Variants in CALN1 observed in about 807,000 individuals in gnomAD.
The protein encoded by CALN1 is calcium-binding protein 8.
In CALN1, 17 loss-of-function variants were observed where a neutral mutation model predicts 30.6. That is an observed-to-expected ratio of 0.56 (90% CI 0.38 to 0.83). CALN1 has a LOEUF of 0.83. CALN1 is among the 40% of genes least tolerant of loss of function. The pLI is 0.00. For missense variants in CALN1, 291 were observed against 354.9 expected (o/e 0.82, Z 1.45); for synonymous variants, 156 against 131.4 (o/e 1.19, Z -1.28).
intron 5 of CALN1, 149 bp from the exon 6 acceptor site, chr7:71,810,641 C>A: frequency 1.5e-6 from 1 of 668,542 alleles, no homozygotes; most frequent in South Asian, 2.1e-5. Flanking sequence ...TCCTGTTCAG[C>A]TCCAAGTATA....
intron 4 of CALN1, among the ~76,000 whole-genome samples, chr7:72,102,736 G>A (rs1806767559): frequency 6.6e-6 from 1 of 152,174 alleles, no homozygotes; most frequent in South Asian, 2.1e-4. Flanking sequence ...AAGTGCTTGT[G>A]TAGGGCTTGG....
chr7:72,378,733 T>TG (rs1280061739), intron 2 of CALN1, among the ~76,000 whole-genome samples: 2 of 152,018 alleles, frequency 1.3e-5, no homozygotes, highest in East Asian at 3.9e-4. Context: ...ATATAACATC[T>TG]TTTTCTGTAT....
At chr7:71,942,953 G>C (rs1796212746) in intron 5 of CALN1, among the ~76,000 whole-genome samples, 1 of 152,132 alleles carries the variant, frequency 6.6e-6, no homozygotes, top group South Asian at 2.1e-4. Context: ...TCACTTGTCT[G>C]TGACCTGGAA....
chr7:72,264,388 A>G (rs1317389510), intron 3 of CALN1, among the ~76,000 whole-genome samples: 1 of 152,204 alleles, frequency 6.6e-6, no homozygotes, highest in Admixed American at 6.5e-5. Context: ...AGATCTTTGA[A>G]CAAAATATAT....
At chr7:72,358,004 G>C (rs959962465) in intron 2 of CALN1, among the ~76,000 whole-genome samples, 3 of 151,080 alleles carry the variant, frequency 2.0e-5, no homozygotes, top group African/African-American at 7.3e-5. Context: ...ATGGGGTTTT[G>C]TATTTAAGAG....
At chr7:72,336,745 C>G (rs1207597384) in intron 2 of CALN1, 2 of 985,250 alleles carry the variant, frequency 2.0e-6, no homozygotes, top group Non-Finnish European at 2.4e-6. Context: ...AGCCGAGGCG[C>G]CTCCGCACAG....
At chr7:72,248,887 G>A (rs1305274534) in intron 3 of CALN1, among the ~76,000 whole-genome samples, 2 of 151,958 alleles carry the variant, frequency 1.3e-5, no homozygotes, top group African/African-American at 2.4e-5. Context: ...AATCGATCAT[G>A]TTTTGTTGCT....
chr7:72,342,813 T>C (rs1209791413), intron 2 of CALN1, among the ~76,000 whole-genome samples: 1 of 151,988 alleles, frequency 6.6e-6, no homozygotes, highest in Non-Finnish European at 1.5e-5. Flanking sequence ...TAGAGGGTGA[T>C]GAAAAGATTC....
chr7:72,081,564 A>C (rs1317385323), intron 4 of CALN1, among the ~76,000 whole-genome samples: 1 of 152,080 alleles, frequency 6.6e-6, no homozygotes, highest in Non-Finnish European at 1.5e-5. Context: ...CTGGGACTAC[A>C]GGTGTGCACC....
chr7:72,468,585 A>G, the CALN1 span, among the ~76,000 whole-genome samples: 1 of 152,220 alleles, frequency 6.6e-6, no homozygotes, highest in Admixed American at 6.5e-5. Flanking sequence ...AAGTGCTGGT[A>G]TTAAAGGCAT....
chr7:71,948,135 C>G (rs1369042453), intron 5 of CALN1, among the ~76,000 whole-genome samples: 3 of 152,006 alleles, frequency 2.0e-5, no homozygotes, highest in African/African-American at 7.2e-5. Flanking sequence ...GCCAGCACCC[C>G]TGAGGAAGAT....
In CALN1 at chr7:72,216,179, C is replaced by T. The variant is rs182890385; in HGVS notation, c.244+62507G>A. The stretch of plus-strand genomic sequence containing the variant: ...TCTATAATCTTAATGCATTAGGAGG[C>T]TGATGGGGGAGGACTGCTTGAGGCC... On this transcript the variant is annotated intron_variant, in intron 3 of 6. Transcript: ENST00000395275. Among the ~76,000 whole-genome samples, 364 of 152,092 alleles carry T rather than the reference C, an allele frequency of 2.4e-3. 2 individuals carry two copies. Among genetic ancestry groups the T allele is most frequent in the Middle Eastern group, 0.017 (5 of 294 alleles).
At chr7:72,037,195 G>A (rs1213526001) in intron 4 of CALN1, among the ~76,000 whole-genome samples, 1 of 152,016 alleles carries the variant, frequency 6.6e-6, no homozygotes, top group Non-Finnish European at 1.5e-5. Context: ...CTGTCACCCA[G>A]GCTGGAGTGC....
At chr7:71,852,745 C>CT (rs1305156902) in intron 5 of CALN1, among the ~76,000 whole-genome samples, 1 of 152,112 alleles carries the variant, frequency 6.6e-6, no homozygotes, top group African/African-American at 2.4e-5. Flanking sequence ...TTCAGCTTAA[C>CT]TTTTTTTCTG....
intron 3 of CALN1, among the ~76,000 whole-genome samples, chr7:72,135,687 T>C (rs958071202): frequency 2.6e-5 from 4 of 152,250 alleles, no homozygotes; most frequent in African/African-American, 9.6e-5. Flanking sequence ...CCTTAAGATT[T>C]GGGGGATGGT....
At chr7:72,296,824 G>C (rs914654255) in intron 2 of CALN1, among the ~76,000 whole-genome samples, 74 of 150,610 alleles carry the variant, frequency 4.9e-4, no homozygotes, top group Middle Eastern at 3.4e-3. Context: ...TGGATTCATT[G>C]ATTTTTTGAA....
chr7:72,119,718 G>A (rs1808246626), intron 3 of CALN1, among the ~76,000 whole-genome samples: 1 of 152,154 alleles, frequency 6.6e-6, no homozygotes, highest in Non-Finnish European at 1.5e-5. Flanking sequence ...AGGCAAGAGA[G>A]AACTTGTGTA....
intron 1 of CALN1, among the ~76,000 whole-genome samples, chr7:72,437,321 C>T (rs926422473): frequency 3.3e-5 from 5 of 152,266 alleles, no homozygotes; most frequent in African/African-American, 1.2e-4. Context: ...AAGGCCCCTC[C>T]CTGGCAGTCC....
intron 5 of CALN1, among the ~76,000 whole-genome samples, chr7:72,005,900 CAT>C (rs145780533): frequency 0.046 from 6,929 of 152,258 alleles, 267 homozygotes; most frequent in South Asian, 0.15. Context: ...AACCTACACA[CAT>C]GTGATAAAAC....
Sources: gnomAD v4.1 joint callset for allele counts (sites outside exome capture counted in the v4.1 genomes callset) on GRCh38, gnomAD v4.1.1 for gene constraint, MANE v1.5 for transcripts, NCBI Gene and HGNC (gene_info 2026-07-23, HGNC 2026-07-21) for gene names.